The following NCKAP5 variants were observed in gnomAD, a reference collection of about 807,000 sequenced individuals.
NCKAP5 encodes the protein NCK associated protein 5.
NCKAP5 carries 92 observed loss-of-function variants against 167.0 expected under a neutral mutation model. That is an observed-to-expected ratio of 0.55 (90% CI 0.47 to 0.66). The LOEUF (loss-of-function observed/expected upper bound fraction) is 0.66, where lower values mean the gene tolerates loss of function less well. Among genes scored for constraint, NCKAP5 ranks in the 30% least tolerant of loss-of-function variants. The pLI, the probability that NCKAP5 is intolerant of heterozygous loss-of-function variation, is 0.00. For missense variants in NCKAP5, 2,378 were observed against 2,315.0 expected, an observed-to-expected ratio of 1.03 and a Z score of -0.56; for synonymous variants, 891 against 877.4, an observed-to-expected ratio of 1.02 and a Z score of -0.27.
chr2:132,805,660 C>CAA lies in NCKAP5; in HGVS notation c.808-8933_808-8932dup, dbSNP rs61461970. On this transcript the variant is annotated intron_variant, in intron 11 of 19. Transcript: ENST00000409261. ...ACCTAACTGAAAAAATAAAACTATG[C>CAA]AAAAAAAAAAAAATGAACATTTATA... Among the ~76,000 whole-genome samples the CAA allele has an allele frequency of 2.1e-3, 301 of 142,194 alleles. 2 individuals are homozygous for CAA. Among genetic ancestry groups the CAA allele is most frequent in the Middle Eastern group, 7.4e-3 (2 of 270 alleles). The allele number at this position is 142,194 out of a possible 152,430, so 93.3% of individuals were successfully genotyped here.
chr2:132,706,068 ATATAGT>A (rs1303316241), intron 19 of NCKAP5, among the ~76,000 whole-genome samples: 2 of 152,186 alleles, frequency 1.3e-5, no homozygotes, highest in African/African-American at 4.8e-5. Context: ...ACATATACAA[ATATAGT>A]TATATACATT....
chr2:132,784,843 T>C lies in NCKAP5; in HGVS notation c.1968A>G (p.Arg656=), dbSNP rs747351169. 1 of 1,569,876 alleles carries C rather than the reference T, an allele frequency of 6.4e-7. No homozygotes were observed. The highest frequency in any genetic ancestry group is 8.6e-7 in the Non-Finnish European group (1 of 1,158,188). The stretch of plus-strand genomic sequence containing the variant: ...CTTCTGAAGAAGTCCTTTTTACAAC[T>C]CTTTGCTGCTTAATGAAACTAAAAG... ...PKTFSFIKQQ[R]VVKRTSSEEC... is the part of the protein sequence containing the mutation. The change falls in exon 14 of 20, where the codon AGA becomes AGG. Residue 656 remains arginine, a synonymous_variant. Transcript: ENST00000409261.
chr2:133,320,574 G>A (rs548024590), intron 3 of NCKAP5, among the ~76,000 whole-genome samples: 20 of 152,036 alleles, frequency 1.3e-4, no homozygotes, highest in East Asian at 3.9e-4. Flanking sequence ...TAAAAATACA[G>A]AAAATTAGCC....
intron 6 of NCKAP5, among the ~76,000 whole-genome samples, chr2:133,037,881 T>C (rs1281420221): frequency 2.6e-5 from 4 of 152,130 alleles, no homozygotes; most frequent in Non-Finnish European, 5.9e-5. Flanking sequence ...AGAAAATATC[T>C]ACAAACTACC....
chr2:132,939,256 C>A (rs1697096437), intron 8 of NCKAP5, among the ~76,000 whole-genome samples: 1 of 152,180 alleles, frequency 6.6e-6, no homozygotes, highest in Non-Finnish European at 1.5e-5. Flanking sequence ...GAGGGCAGTA[C>A]ACTATAATTA....
intron 16 of NCKAP5, among the ~76,000 whole-genome samples, chr2:132,771,147 CTG>C (rs1403041559): frequency 6.6e-6 from 1 of 152,180 alleles, no homozygotes; most frequent in African/African-American, 2.4e-5. Flanking sequence ...GAAGAAGACA[CTG>C]TTATCACAGG....
chr2:133,671,010 T>A, the NCKAP5 span, among the ~76,000 whole-genome samples: 500 of 151,820 alleles, frequency 3.3e-3, 2 homozygotes, highest in African/African-American at 0.012. Flanking sequence ...GGTCAGGAGA[T>A]CGACACCGTC....
At position 133,213,868 on chromosome 2, in the gene NCKAP5, A is replaced by G. The variant is rs567930824; in HGVS notation, c.144-89T>C. 98 of 1,274,964 alleles carry G rather than the reference A, an allele frequency of 7.7e-5. No individual in the cohort carries two copies. The African/African-American group carries it at 1.4e-3, about 18-fold the overall frequency. The allele number at this position is 1,274,964 out of a possible 1,614,324, so 79.0% of individuals were successfully genotyped here. A position where few individuals can be genotyped will look rare whatever the true frequency, so the allele number is the denominator to read the frequency against. On this transcript the variant is annotated intron_variant, in intron 4 of 19. Coordinates refer to ENST00000409261, the MANE Select transcript of NCKAP5 (RefSeq NM_207363.3). ...CGTGAAACATTCTTTTGAGGTCTCT[A>G]GAGGAATTCCTTCCTTGGTTTAGCT... is the stretch of plus-strand genomic sequence containing the variant.
chr2:133,309,833 T>G (rs1251414327), intron 3 of NCKAP5, among the ~76,000 whole-genome samples: 1 of 152,182 alleles, frequency 6.6e-6, no homozygotes, highest in African/African-American at 2.4e-5. Context: ...TCATATTAAG[T>G]GGAGTTTAAA....
chr2:133,137,992 T>C (rs1045490113), intron 5 of NCKAP5, among the ~76,000 whole-genome samples: 1 of 152,144 alleles, frequency 6.6e-6, no homozygotes, highest in African/African-American at 2.4e-5. Context: ...CATTTGATTT[T>C]TTTTAGATGG....
intron 8 of NCKAP5, among the ~76,000 whole-genome samples, chr2:132,898,221 T>A (rs1693353831): frequency 1.3e-5 from 2 of 152,218 alleles, no homozygotes; most frequent in African/African-American, 4.8e-5. Flanking sequence ...TGACTTTCTT[T>A]GCTCATCCAT....
intron 5 of NCKAP5, among the ~76,000 whole-genome samples, chr2:133,168,694 C>T (rs2084109460): frequency 6.6e-6 from 1 of 152,090 alleles, no homozygotes; most frequent in African/African-American, 2.4e-5. Flanking sequence ...TCCTTTCATC[C>T]TGAGAGAAAA....
At chr2:133,410,604 T>A in intron 3 of NCKAP5, among the ~76,000 whole-genome samples, 1 of 152,178 alleles carries the variant, frequency 6.6e-6, no homozygotes. Context: ...AGCTCTGTGC[T>A]TCTCAGAGTG....
intron 19 of NCKAP5, among the ~76,000 whole-genome samples, chr2:132,677,342 A>G (rs1355509945): frequency 6.6e-6 from 1 of 152,164 alleles, no homozygotes; most frequent in East Asian, 1.9e-4. Flanking sequence ...TAACCATGGA[A>G]TTATTAGTGA....
intron 8 of NCKAP5, among the ~76,000 whole-genome samples, chr2:132,946,796 G>T (rs1010911235): frequency 1.3e-5 from 2 of 152,176 alleles, no homozygotes; most frequent in African/African-American, 4.8e-5. Flanking sequence ...TACTCAAGAG[G>T]CTGAGGTGAG....
At chr2:133,492,143 T>TTGTGTGTGTGTGTGTGTGTG (rs780998843) in intron 3 of NCKAP5, among the ~76,000 whole-genome samples, 18 of 84,522 alleles carry the variant, frequency 2.1e-4, no homozygotes, top group South Asian at 7.8e-4. Flanking sequence ...CATATCTAGT[T>TTGTGTGTGTGTGTGTGTGTG]AGTGTGTGTG....
At chr2:132,869,693 G>C (rs1311438512) in intron 9 of NCKAP5, among the ~76,000 whole-genome samples, 1 of 152,056 alleles carries the variant, frequency 6.6e-6, no homozygotes, top group Admixed American at 6.6e-5. Context: ...CTATTCTCTT[G>C]GGCTTACAGG....
intron 3 of NCKAP5, among the ~76,000 whole-genome samples, chr2:133,413,233 G>A (rs1393287758): frequency 6.6e-6 from 1 of 152,240 alleles, no homozygotes; most frequent in Non-Finnish European, 1.5e-5. Flanking sequence ...AAAGGATCCA[G>A]GAAGGAAGTA....
intron 3 of NCKAP5, among the ~76,000 whole-genome samples, chr2:133,376,131 A>G (rs1686127891): frequency 1.3e-5 from 2 of 152,232 alleles, no homozygotes; most frequent in African/African-American, 4.8e-5. Context: ...TGAAAGAAAG[A>G]ATGAATTTAT....
Sources: gnomAD v4.1 joint callset for allele counts (sites outside exome capture counted in the v4.1 genomes callset) on GRCh38, gnomAD v4.1.1 for gene constraint, MANE v1.5 for transcripts, NCBI Gene and HGNC (gene_info 2026-07-23, HGNC 2026-07-21) for gene names.